The following LHFPL6 variants were observed in gnomAD, a reference collection of about 807,000 sequenced individuals.
LHFPL6 encodes LHFPL tetraspan subfamily member 6 protein.
In LHFPL6, 9 loss-of-function variants were observed where a neutral mutation model predicts 20.6. That is an observed-to-expected ratio of 0.44 (90% CI 0.26 to 0.76). The LOEUF (loss-of-function observed/expected upper bound fraction) is 0.76, where lower values mean the gene tolerates loss of function less well. Among genes scored for constraint, LHFPL6 ranks in the 30% least tolerant of loss-of-function variants. The pLI is 0.20. For synonymous variants in LHFPL6, 105 were observed against 98.7 expected, an observed-to-expected ratio of 1.06 and a Z score of -0.38; for missense variants, 218 against 253.5, an observed-to-expected ratio of 0.86 and a Z score of 0.95.
intron 2 of LHFPL6, among the ~76,000 whole-genome samples, chr13:39,503,732 C>G (rs1192979305): frequency 6.6e-6 from 1 of 152,174 alleles, no homozygotes; most frequent in African/African-American, 2.4e-5. Context: ...TATTCTCTAT[C>G]CAATTCTATT....
intron 2 of LHFPL6, among the ~76,000 whole-genome samples, chr13:39,545,860 C>A (rs1291023375): frequency 6.6e-6 from 1 of 152,070 alleles, no homozygotes; most frequent in Non-Finnish European, 1.5e-5. Flanking sequence ...CACTTGAGGC[C>A]AGGAGTTTGA....
chr13:39,504,096 T>C (rs1378817185), intron 2 of LHFPL6, among the ~76,000 whole-genome samples: 1 of 152,210 alleles, frequency 6.6e-6, no homozygotes, highest in African/African-American at 2.4e-5. Flanking sequence ...ATGACTGTGG[T>C]GAGGCAAGGC....
At chr13:39,501,107 G>A (rs1869279837) in intron 2 of LHFPL6, among the ~76,000 whole-genome samples, 2 of 152,162 alleles carry the variant, frequency 1.3e-5, no homozygotes. Flanking sequence ...GGGCACCTTT[G>A]AGGTCTAGAT....
chr13:39,363,929 A>G (rs1304026034), intron 3 of LHFPL6, among the ~76,000 whole-genome samples: 1 of 152,174 alleles, frequency 6.6e-6, no homozygotes, highest in Non-Finnish European at 1.5e-5. Flanking sequence ...ATGGAGATAC[A>G]CTCTGCTAAT....
rs540081210 is a variant in LHFPL6, at chr13:39,446,615, T to C, written c.386-68089A>G. Among the ~76,000 whole-genome samples, 314 of 152,158 alleles carry C rather than the reference T, an allele frequency of 2.1e-3. 2 individuals are homozygous for C. The highest frequency in any genetic ancestry group is 7.2e-3 in the African/African-American group (298 of 41,510). ...TATCTGAGGATCTCGGTGATCCTCA[T>C]AGCTTCCCTATGAGGCTGATACCAT... On this transcript the variant is annotated intron_variant, in intron 2 of 3. Coordinates refer to ENST00000379589, the MANE Select transcript of LHFPL6 (RefSeq NM_005780.3).
intron 2 of LHFPL6, among the ~76,000 whole-genome samples, chr13:39,565,332 G>GTT (rs57455663): frequency 0.35 from 52,684 of 151,906 alleles, 9,524 homozygotes; most frequent in African/African-American, 0.46. Context: ...AAAAAGAAAG[G>GTT]TTTTTTAAAT....
At chr13:39,495,038 C>A (rs1416683586) in intron 2 of LHFPL6, among the ~76,000 whole-genome samples, 2 of 152,186 alleles carry the variant, frequency 1.3e-5, no homozygotes, top group African/African-American at 4.8e-5. Flanking sequence ...CTGCACCCCA[C>A]TCTCCCATCT....
chr13:39,441,849 G>C (rs553171271), intron 2 of LHFPL6, among the ~76,000 whole-genome samples: 1 of 111,160 alleles, frequency 9.0e-6, no homozygotes, highest in South Asian at 3.0e-4. Flanking sequence ...TTTTTTTTGA[G>C]ACAGAGTTTC....
At chr13:39,540,595 T>C (rs1300102275) in intron 2 of LHFPL6, among the ~76,000 whole-genome samples, 1 of 152,154 alleles carries the variant, frequency 6.6e-6, no homozygotes, top group African/African-American at 2.4e-5. Flanking sequence ...GTAATCTGCT[T>C]ACCATAACAA....
At chr13:39,478,222 T>C (rs1245060550) in intron 2 of LHFPL6, among the ~76,000 whole-genome samples, 1 of 152,112 alleles carries the variant, frequency 6.6e-6, no homozygotes, top group Non-Finnish European at 1.5e-5. Context: ...TAGAGATTAA[T>C]GGAAGCTATG....
chr13:39,465,796 T>C (rs1270210402), intron 2 of LHFPL6, among the ~76,000 whole-genome samples: 2 of 152,026 alleles, frequency 1.3e-5, no homozygotes, highest in African/African-American at 2.4e-5. Flanking sequence ...TGAATGAACA[T>C]GAAGAAAACG....
intron 2 of LHFPL6, among the ~76,000 whole-genome samples, chr13:39,429,854 T>TA (rs1871740507): frequency 1.3e-5 from 2 of 152,310 alleles, no homozygotes; most frequent in African/African-American, 4.8e-5. Context: ...CAATTTTCAT[T>TA]AAACTTGACC....
chr13:39,512,214 C>T (rs951100252), intron 2 of LHFPL6, among the ~76,000 whole-genome samples: 3 of 152,218 alleles, frequency 2.0e-5, no homozygotes, highest in African/African-American at 7.2e-5. Context: ...TCTCTCATCT[C>T]ACCGTCATTC....
intron 2 of LHFPL6, among the ~76,000 whole-genome samples, chr13:39,397,838 A>G (rs752336798): frequency 9.2e-5 from 14 of 152,186 alleles, no homozygotes; most frequent in Non-Finnish European, 1.8e-4. Context: ...GGCCCAATCT[A>G]TTCTGAAATT....
chr13:39,421,570 T>G (rs1177973350), intron 2 of LHFPL6, among the ~76,000 whole-genome samples: 1 of 152,184 alleles, frequency 6.6e-6, no homozygotes, highest in East Asian at 1.9e-4. Flanking sequence ...ATGATAAAAA[T>G]TATCATCATT....
chr13:39,426,544 T>A (rs906140429), intron 2 of LHFPL6, among the ~76,000 whole-genome samples: 1 of 152,144 alleles, frequency 6.6e-6, no homozygotes, highest in Non-Finnish European at 1.5e-5. Flanking sequence ...TTCTATAAAT[T>A]TGCCTATTCT....
At chr13:39,454,722 AT>A (rs997727353) in intron 2 of LHFPL6, among the ~76,000 whole-genome samples, 4 of 151,922 alleles carry the variant, frequency 2.6e-5, no homozygotes, top group African/African-American at 9.7e-5. Context: ...TCTTTTGGTA[AT>A]TCCATTTTAG....
At chr13:39,595,681 T>C (rs1566150664) in intron 2 of LHFPL6, among the ~76,000 whole-genome samples, 1 of 142,966 alleles carries the variant, frequency 7.0e-6, no homozygotes, top group Non-Finnish European at 1.5e-5. Context: ...TGCTCCTTTA[T>C]ATTATCAGTG....
chr13:39,506,940 CAAG>C (rs757587643), intron 2 of LHFPL6, among the ~76,000 whole-genome samples: 24 of 152,144 alleles, frequency 1.6e-4, no homozygotes, highest in Non-Finnish European at 3.1e-4. Flanking sequence ...CTGAGCTAGC[CAAG>C]AAGGAGATGT....
Sources: gnomAD v4.1 joint callset for allele counts (sites outside exome capture counted in the v4.1 genomes callset) on GRCh38, gnomAD v4.1.1 for gene constraint, MANE v1.5 for transcripts, NCBI Gene and HGNC (gene_info 2026-07-23, HGNC 2026-07-21) for gene names.